Variants in DNAAF5 observed in about 807,000 individuals in gnomAD.
DNAAF5 encodes dynein axonemal assembly factor 5, also known as HEAT repeat containing 2.
A neutral mutation model predicts 75.8 loss-of-function variants in DNAAF5; 64 were observed. The observed-to-expected ratio is 0.84, with a 90% confidence interval of 0.69 to 1.04. DNAAF5 has a LOEUF of 1.04. Among genes scored for constraint, DNAAF5 ranks in the 50% least tolerant of loss-of-function variants. The pLI is 0.00. For synonymous variants in DNAAF5, 657 were observed against 557.2 expected, an observed-to-expected ratio of 1.18 and a Z score of -2.52; for missense variants, 1,269 against 1,178.5, an observed-to-expected ratio of 1.08 and a Z score of -1.12.
intron 8 of DNAAF5, among the ~76,000 whole-genome samples, chr7:769,753 G>T (rs1778490327): frequency 6.6e-6 from 1 of 152,152 alleles, no homozygotes; most frequent in Admixed American, 6.5e-5. Context: ...CGCCTCACGG[G>T]TTCAAGCAGT....
In DNAAF5 at chr7:754,692, A is replaced by C. The variant is rs753803162; in HGVS notation, c.1128A>C (p.Arg376=). 3.7e-6 allele frequency: 6 copies of C among 1,613,872 alleles called. No individual in the cohort carries two copies. In the South Asian group the frequency reaches 5.5e-5, roughly 15 times the overall value. The change falls in exon 5 of 13, where the codon CGA becomes CGC. Residue 376 remains arginine, a synonymous_variant. Coordinates refer to ENST00000297440, the MANE Select transcript of DNAAF5 (RefSeq NM_017802.4). This position sits in a 1 kb window ranked among gnomAD's most constrained non-coding sequence, Gnocchi z 4.8. ...TCACCGACTGGGTGGTGGGGACCCG[A>C]GTGAAGTCGGCACAGCTGCTCCCAG... ...HDITDWVVGT[R]VKSAQLLPVL... is the part of the protein sequence containing the mutation.
chr7:760,056 CGAGGGA>C (rs1782596245), intron 6 of DNAAF5, among the ~76,000 whole-genome samples: 1 of 148,786 alleles, frequency 6.7e-6, no homozygotes, highest in Admixed American at 6.7e-5. Context: ...CCTCCAGCTC[CGAGGGA>C]GACGGGGCCG....
chr7:756,644 G>T, intron 5 of DNAAF5, 138 bp from the exon 6 acceptor site: 2 of 742,952 alleles, frequency 2.7e-6, no homozygotes, highest in Non-Finnish European at 2.3e-6. Context: ...CTCTGAGCAT[G>T]TGCCAAGGAC....
chr7:772,833 A>G (rs1396117847), intron 9 of DNAAF5: 1 of 152,160 alleles, frequency 6.6e-6, no homozygotes, highest in African/African-American at 2.4e-5. Flanking sequence ...GGGCAGCAAG[A>G]GCGAGACTTT....
chr7:733,048 A>G (rs1781634021), intron 2 of DNAAF5, among the ~76,000 whole-genome samples: 1 of 152,228 alleles, frequency 6.6e-6, no homozygotes, highest in Non-Finnish European at 1.5e-5. Flanking sequence ...TCCTCTCCCC[A>G]AGATATGTCC....
At chr7:736,040 T>C (rs951402930) in intron 2 of DNAAF5, among the ~76,000 whole-genome samples, 5 of 152,248 alleles carry the variant, frequency 3.3e-5, no homozygotes, top group African/African-American at 1.2e-4. Flanking sequence ...GAGCATATTA[T>C]TTAATTTCCA....
In DNAAF5 at chr7:775,170, A is replaced by G. The variant is rs202087864; in HGVS notation, c.2239+8A>G. 21 of 1,613,870 alleles carry G rather than the reference A, an allele frequency of 1.3e-5. No homozygotes were observed. The African/African-American group carries it at 2.4e-4, about 18-fold the overall frequency. On this transcript the variant is annotated splice_region_variant and intron_variant, in intron 11 of 12. Transcript: ENST00000297440. ...TCATCAGGATTTATCCTGGTAGGAC[A>G]TTTCTGTTGTTCACAGCCTGTGTAT...
At chr7:738,525 G>A (rs1028921479) in intron 2 of DNAAF5, among the ~76,000 whole-genome samples, 1 of 151,768 alleles carries the variant, frequency 6.6e-6, no homozygotes, top group African/African-American at 2.4e-5. Context: ...TGCAGTCTGG[G>A]CTTGTTTGTA....
chr7:727,996 C>T (rs1269474493), intron 1 of DNAAF5, among the ~76,000 whole-genome samples: 7 of 151,978 alleles, frequency 4.6e-5, no homozygotes, highest in Non-Finnish European at 1.0e-4. Context: ...CTTTGAGACT[C>T]TGCTCTGGTC....
Position 775,041 on chromosome 7 carries a change from C to G in DNAAF5, c.2118C>G (p.Val706=). 6.2e-7 allele frequency: 1 copy of G among 1,613,970 alleles called. No homozygotes were observed. Residue 706 remains valine (V), a synonymous_variant, in exon 11 of 13, where the codon GTC becomes GTG. Coordinates refer to ENST00000297440, the MANE Select transcript of DNAAF5 (RefSeq NM_017802.4). ...TGCAGGAAACACTGATGCCCCAGGT[C>G]CTGACCACCCTGGAGGAGGATTCGA... ...RDVQETLMPQ[V]LTTLEEDSKM... is the part of the protein sequence containing the mutation.
At chr7:774,529 T>G (rs970477043) in intron 10 of DNAAF5, among the ~76,000 whole-genome samples, 2 of 149,854 alleles carry the variant, frequency 1.3e-5, no homozygotes, top group African/African-American at 4.9e-5. Flanking sequence ...AATCCCAGGA[T>G]CCAGGCCAGA....
chr7:741,013 GCTCCCAGTCT>G, intron 3 of DNAAF5, 70 bp downstream of exon 3: 1 of 1,562,940 alleles, frequency 6.4e-7, no homozygotes, highest in Non-Finnish European at 8.7e-7. Context: ...GTTTCTCTTT[GCTCCCAGTCT>G]CTCACAGAAA....
chr7:771,245 G>T (rs1485541838), intron 9 of DNAAF5: 1 of 152,254 alleles, frequency 6.6e-6, no homozygotes, highest in African/African-American at 2.4e-5. Flanking sequence ...CCAGGTGTAC[G>T]GCTTTGAAGT....
rs182205519 is a variant in DNAAF5, at chr7:739,824, G to T, written c.781-995G>T. Among the ~76,000 whole-genome samples the T allele has an allele frequency of 4.1e-4, 62 of 152,320 alleles. No homozygotes were observed. In the East Asian group the frequency reaches 0.011, roughly 27 times the overall value. On this transcript the variant is annotated intron_variant, in intron 2 of 12. Coordinates refer to ENST00000297440, the MANE Select transcript of DNAAF5 (RefSeq NM_017802.4). Reference sequence around the variant, plus strand: ...CTGCTTGGCTCTGGGCCTTGTTGGAGCCGGGGCGGAGCAGCCCCTCCTCCG... The same window carrying T: ...CTGCTTGGCTCTGGGCCTTGTTGGATCCGGGGCGGAGCAGCCCCTCCTCCG...
At chr7:729,924 A>G (rs1781513695) in intron 2 of DNAAF5, 77 bp downstream of exon 2, 4 of 1,416,936 alleles carry the variant, frequency 2.8e-6, no homozygotes, top group East Asian at 2.3e-5. Flanking sequence ...TAACTAACTC[A>G]CTTGTTCTTT....
chr7:769,047 C>T lies in DNAAF5; in HGVS notation c.1784-1424C>T. On this transcript the variant is annotated intron_variant, in intron 8 of 12. Coordinates refer to ENST00000297440, the MANE Select transcript of DNAAF5 (RefSeq NM_017802.4). ...CCCTCCAAGACACCAGCTGGTCTCA[C>T]CGCGAGGCCTGACTTCGAGCCAGAG... 4.5e-6 allele frequency: 3 copies of T among 661,848 alleles called. 1 individual carries two copies. The highest frequency in any genetic ancestry group is 3.3e-5 in the South Asian group (2 of 61,122). The allele number at this position is 661,848 out of a possible 1,614,324, so 41.0% of individuals were successfully genotyped here. A position where few individuals can be genotyped will look rare whatever the true frequency, so the allele number is the denominator to read the frequency against.
At chr7:733,012 C>T (rs751649744) in intron 2 of DNAAF5, among the ~76,000 whole-genome samples, 16 of 152,178 alleles carry the variant, frequency 1.1e-4, no homozygotes, top group Non-Finnish European at 2.2e-4. Context: ...TTCCAGTTTT[C>T]CCAGCACCAT....
At chr7:757,420 G>A (rs1236598643) in intron 6 of DNAAF5, among the ~76,000 whole-genome samples, 2 of 152,230 alleles carry the variant, frequency 1.3e-5, no homozygotes, top group Non-Finnish European at 2.9e-5. Flanking sequence ...CCCCTGAGGA[G>A]CGTGGTCGCA....
intron 4 of DNAAF5, among the ~76,000 whole-genome samples, chr7:744,017 C>T (rs1291086112): frequency 6.6e-6 from 1 of 151,078 alleles, no homozygotes; most frequent in East Asian, 1.9e-4. Context: ...TATACATGTG[C>T]CATGCTGGTG....
Sources: allele counts gnomAD v4.1 joint callset (sites outside exome capture counted in the v4.1 genomes callset), GRCh38; gene constraint gnomAD v4.1.1; non-coding constraint Gnocchi (gnomAD v3.1); transcripts MANE v1.5; gene names NCBI Gene and HGNC (gene_info 2026-07-23, HGNC 2026-07-21).